The following AK4 variants were observed in gnomAD, a reference collection of about 807,000 sequenced individuals.
AK4 encodes the protein adenylate kinase 4, mitochondrial.
AK4 carries 13 observed loss-of-function variants against 24.6 expected under a neutral mutation model. That is an observed-to-expected ratio of 0.53 (90% CI 0.34 to 0.84). The LOEUF is 0.84. Ranked by LOEUF, AK4 falls within the 40% of genes least tolerant of loss-of-function variation. AK4 has a pLI of 0.01. For synonymous variants in AK4, 88 were observed against 107.0 expected (o/e 0.82, Z 1.10); for missense variants, 192 against 288.2 (o/e 0.67, Z 2.42).
chr1:65,176,993 A>G (rs985694535), intron 1 of AK4, among the ~76,000 whole-genome samples: 1 of 152,242 alleles, frequency 6.6e-6, no homozygotes. Flanking sequence ...TAAGAGATGC[A>G]TATTTGTACT....
intron 2 of AK4, among the ~76,000 whole-genome samples, chr1:65,202,509 A>T (rs758226804): frequency 2.6e-4 from 39 of 152,204 alleles, no homozygotes; most frequent in Non-Finnish European, 1.3e-4. Flanking sequence ...CTTGACTTAC[A>T]TGTTCAGATG....
chr1:65,199,009 C>T (rs1651575819), intron 2 of AK4, among the ~76,000 whole-genome samples: 1 of 150,754 alleles, frequency 6.6e-6, no homozygotes. Flanking sequence ...GAGCCTGAAC[C>T]TGGGGAGGTC....
At chr1:65,204,273 T>C (rs962729516) in intron 2 of AK4, among the ~76,000 whole-genome samples, 1 of 151,850 alleles carries the variant, frequency 6.6e-6, no homozygotes, top group African/African-American at 2.4e-5. Flanking sequence ...CAATCTCTGC[T>C]AACTGCAACC....
intron 2 of AK4, among the ~76,000 whole-genome samples, chr1:65,208,079 A>G (rs535457229): frequency 1.3e-5 from 2 of 152,276 alleles, no homozygotes; most frequent in African/African-American, 4.8e-5. Context: ...AGTTTTGCTG[A>G]TAGTCGTAAG....
intron 1 of AK4, among the ~76,000 whole-genome samples, chr1:65,184,279 C>T (rs1651013543): frequency 6.6e-6 from 1 of 152,112 alleles, no homozygotes; most frequent in Admixed American, 6.5e-5. Context: ...ATCTATCTTT[C>T]TCTCTATATG....
At chr1:65,203,235 C>T (rs1651717826) in intron 2 of AK4, among the ~76,000 whole-genome samples, 2 of 151,978 alleles carry the variant, frequency 1.3e-5, no homozygotes, top group South Asian at 4.2e-4. Context: ...ATGAAATTAG[C>T]ACGTTCATGG....
intron 1 of AK4, 58 bp downstream of exon 1, chr1:65,148,610 C>A: frequency 6.6e-7 from 1 of 1,505,588 alleles, no homozygotes; most frequent in East Asian, 2.5e-5. Context: ...GGGTGAGGCC[C>A]TGGAGGGACT....
intron 1 of AK4, among the ~76,000 whole-genome samples, chr1:65,160,801 C>G (rs527791388): frequency 6.6e-6 from 1 of 151,964 alleles, no homozygotes; most frequent in Non-Finnish European, 1.5e-5. Flanking sequence ...CACTATATTG[C>G]CCAGGCTGGT....
intron 2 of AK4, among the ~76,000 whole-genome samples, chr1:65,191,885 G>C (rs1651319249): frequency 6.6e-6 from 1 of 152,164 alleles, no homozygotes; most frequent in Non-Finnish European, 1.5e-5. Context: ...CTGAATTTAA[G>C]CAATAATAGC....
intron 3 of AK4, among the ~76,000 whole-genome samples, chr1:65,219,755 A>G (rs1211809523): frequency 1.3e-5 from 2 of 152,320 alleles, no homozygotes; most frequent in African/African-American, 2.4e-5. Context: ...ACTAAAATTC[A>G]TAGTTTGCAT....
chr1:65,211,554 C>G (rs1651972022), intron 2 of AK4, among the ~76,000 whole-genome samples: 1 of 152,224 alleles, frequency 6.6e-6, no homozygotes, highest in Non-Finnish European at 1.5e-5. Context: ...CTAGATTAGT[C>G]ACTTATCATG....
intron 1 of AK4, among the ~76,000 whole-genome samples, chr1:65,167,553 G>A (rs1650373443): frequency 6.7e-6 from 1 of 150,184 alleles, no homozygotes; most frequent in Non-Finnish European, 1.5e-5. Context: ...AAAAATGCAA[G>A]ATCTCCTTTC....
At chr1:65,149,837 T>C (rs76692998) in intron 1 of AK4, among the ~76,000 whole-genome samples, 7,726 of 152,286 alleles carry the variant, frequency 0.051, 269 homozygotes, top group Non-Finnish European at 0.08. Flanking sequence ...GTGGGTATTG[T>C]TACCTCAAGT....
At chr1:65,213,222 A>T (rs1652025315) in intron 2 of AK4, among the ~76,000 whole-genome samples, 1 of 152,208 alleles carries the variant, frequency 6.6e-6, no homozygotes, top group South Asian at 2.1e-4. Context: ...TGTTGAATTT[A>T]TCCATCTGTA....
chr1:65,230,996 A>G lies in AK4; in HGVS notation c.*4819A>G, dbSNP rs539204424. The stretch of plus-strand genomic sequence containing the variant: ...GTTCATAGTATGACTTGCTTTCTCA[A>G]TATCTCCTTCAATTTTTAGTAACTC... On this transcript the variant is annotated 3_prime_UTR_variant, in exon 5 of 5. Transcript: ENST00000327299. 7.9e-5 allele frequency: 12 copies of G among 152,314 alleles called. No homozygotes were observed. The South Asian group carries it at 1.9e-3, about 24-fold the overall frequency. The allele number at this position is 152,314 out of a possible 1,614,324, so 9.4% of individuals were successfully genotyped here.
At chr1:65,184,163 A>T (rs1203635395) in intron 1 of AK4, among the ~76,000 whole-genome samples, 1 of 152,208 alleles carries the variant, frequency 6.6e-6, no homozygotes, top group African/African-American at 2.4e-5. Context: ...TAGTGATTGA[A>T]TGGAATAGGT....
chr1:65,176,798 A>T (rs1475922365), intron 1 of AK4, among the ~76,000 whole-genome samples: 2 of 152,144 alleles, frequency 1.3e-5, no homozygotes, highest in Non-Finnish European at 2.9e-5. Flanking sequence ...CAGAACAAAG[A>T]GCTGGGACTC....
chr1:65,159,969 C>CAAAAAAAAAAAAAAAAAAA (rs951802334), intron 1 of AK4, among the ~76,000 whole-genome samples: 1 of 63,364 alleles, frequency 1.6e-5, no homozygotes, highest in African/African-American at 5.3e-5. Context: ...ACTATGTCTC[C>CAAAAAAAAAAAAAAAAAAA]AAAAAAAAAA....
At chr1:65,162,230 A>C (rs1478816768) in intron 1 of AK4, among the ~76,000 whole-genome samples, 1 of 152,164 alleles carries the variant, frequency 6.6e-6, no homozygotes, top group Non-Finnish European at 1.5e-5. Flanking sequence ...TGGGCGATAC[A>C]GTGAGAAGTG....
Sources: allele counts gnomAD v4.1 joint callset (sites outside exome capture counted in the v4.1 genomes callset), GRCh38; gene constraint gnomAD v4.1.1; transcripts MANE v1.5; gene names NCBI Gene and HGNC (gene_info 2026-07-23, HGNC 2026-07-21).